Variants in GMDS observed in about 807,000 individuals in gnomAD.
GMDS encodes the protein GDP-mannose 4,6 dehydratase.
GMDS carries 20 observed loss-of-function variants against 49.9 expected under a neutral mutation model. The ratio of observed to expected loss-of-function variants is 0.40; its 90% CI spans 0.28 to 0.58. The LOEUF is 0.58. Ranked by LOEUF, GMDS falls within the 20% of genes least tolerant of loss-of-function variation. The pLI, the probability that GMDS is intolerant of heterozygous loss-of-function variation, is 0.42. For missense variants in GMDS, 362 were observed against 481.4 expected (o/e 0.75, Z 2.32); for synonymous variants, 177 against 178.6 (o/e 0.99, Z 0.07).
intron 4 of GMDS, among the ~76,000 whole-genome samples, chr6:1,994,777 G>T (rs972451120): frequency 6.6e-6 from 1 of 151,956 alleles, no homozygotes; most frequent in Non-Finnish European, 1.5e-5. Context: ...GCACACAGGG[G>T]ATACATGGCC....
At chr6:1,816,428 G>C (rs1194696682) in intron 7 of GMDS, among the ~76,000 whole-genome samples, 1 of 152,108 alleles carries the variant, frequency 6.6e-6, no homozygotes, top group East Asian at 1.9e-4. Flanking sequence ...CCAAAGCTCA[G>C]GTGTTCACTG....
intron 2 of GMDS, among the ~76,000 whole-genome samples, chr6:2,119,583 C>A (rs1001618196): frequency 6.6e-6 from 1 of 152,158 alleles, no homozygotes; most frequent in Non-Finnish European, 1.5e-5. Context: ...GTGCAAACTG[C>A]ACAATCTAGT....
At chr6:2,124,581 G>T in intron 2 of GMDS, 106 bp downstream of exon 2, 1 of 843,358 alleles carries the variant, frequency 1.2e-6, no homozygotes. Context: ...TGTTATCTGC[G>T]TTTCAGTGGA....
At chr6:1,966,370 AT>A (rs1764258679) in intron 4 of GMDS, among the ~76,000 whole-genome samples, 4 of 87,764 alleles carry the variant, frequency 4.6e-5, no homozygotes, top group South Asian at 6.8e-4. Flanking sequence ...AATCAGACTG[AT>A]GAAAAAAAAA....
At chr6:2,041,081 T>G (rs1259377370) in intron 4 of GMDS, among the ~76,000 whole-genome samples, 2 of 152,232 alleles carry the variant, frequency 1.3e-5, no homozygotes, top group Non-Finnish European at 2.9e-5. Flanking sequence ...GAGACAACTT[T>G]ACTTGCAGAA....
chr6:2,070,032 T>C (rs1477970734), intron 4 of GMDS, among the ~76,000 whole-genome samples: 14 of 151,274 alleles, frequency 9.3e-5, no homozygotes, highest in Admixed American at 5.3e-4. Flanking sequence ...TGTCCAACAA[T>C]GATAGACTGG....
chr6:2,156,155 C>T (rs547862564), intron 1 of GMDS, among the ~76,000 whole-genome samples: 3 of 151,988 alleles, frequency 2.0e-5, no homozygotes, highest in Admixed American at 1.3e-4. Context: ...CTTTCTGATT[C>T]GGGGCTTAGA....
chr6:1,907,762 A>T (rs774376214), intron 7 of GMDS, among the ~76,000 whole-genome samples: 20 of 152,202 alleles, frequency 1.3e-4, no homozygotes, highest in Non-Finnish European at 1.9e-4. Flanking sequence ...TTTTAAGGGA[A>T]TATAGGGTTA....
chr6:1,799,508 G>A (rs758194484), intron 7 of GMDS, among the ~76,000 whole-genome samples: 1 of 152,088 alleles, frequency 6.6e-6, no homozygotes, highest in Non-Finnish European at 1.5e-5. Context: ...TAAGTCTGAA[G>A]GTCTTCATTA....
intron 1 of GMDS, among the ~76,000 whole-genome samples, chr6:2,142,940 C>T (rs1776377187): frequency 6.6e-6 from 1 of 152,102 alleles, no homozygotes; most frequent in African/African-American, 2.4e-5. Context: ...GCCCCTGTCC[C>T]TCACACACTC....
In GMDS at chr6:2,245,456, GGA is replaced by G. The variant is rs1262355842; in HGVS notation, c.-36_-35del. On this transcript the variant is annotated 5_prime_UTR_variant, in exon 1 of 11. Coordinates refer to ENST00000380815, the MANE Select transcript of GMDS (RefSeq NM_001500.4). ...GCGGGCGTGCGGTCGGCGGCAGGGC[GGA>G]GCGCGGCAGAGGGCAGGCGCGGTGC... 1 of 1,318,730 alleles carries G rather than the reference GGA, an allele frequency of 7.6e-7. No individual in the cohort carries two copies. The highest frequency in any genetic ancestry group is 1.6e-5 in the African/African-American group (1 of 64,116). The allele number at this position is 1,318,730 out of a possible 1,614,324, so 81.7% of individuals were successfully genotyped here.
At chr6:2,148,386 T>G (rs138077683) in intron 1 of GMDS, among the ~76,000 whole-genome samples, 1 of 152,180 alleles carries the variant, frequency 6.6e-6, no homozygotes, top group East Asian at 1.9e-4. Flanking sequence ...ATCTCTGAGT[T>G]TGTATTCACA....
chr6:1,913,953 AC>A (rs1342319317), intron 7 of GMDS, among the ~76,000 whole-genome samples: 1 of 152,152 alleles, frequency 6.6e-6, no homozygotes, highest in African/African-American at 2.4e-5. Context: ...GAGTGGATGT[AC>A]GGGGGGAAAG....
intron 9 of GMDS, among the ~76,000 whole-genome samples, chr6:1,706,483 A>T (rs565515138): frequency 1.9e-4 from 29 of 152,316 alleles, no homozygotes; most frequent in African/African-American, 5.8e-4. Context: ...AACTGATGAG[A>T]ACGATGCTGA....
chr6:2,123,437 G>A (rs1055388814), intron 2 of GMDS, among the ~76,000 whole-genome samples: 2 of 152,120 alleles, frequency 1.3e-5, no homozygotes, highest in East Asian at 1.9e-4. Flanking sequence ...AGGTTCACTC[G>A]ATACACAACA....
At chr6:1,795,469 T>C (rs561984885) in intron 7 of GMDS, among the ~76,000 whole-genome samples, 17 of 152,218 alleles carry the variant, frequency 1.1e-4, no homozygotes, top group Non-Finnish European at 2.1e-4. Flanking sequence ...ATATGATGCA[T>C]ATATGCATAT....
At chr6:2,174,084 GTAACTA>G (rs1778151100) in intron 1 of GMDS, among the ~76,000 whole-genome samples, 2 of 152,160 alleles carry the variant, frequency 1.3e-5, no homozygotes, top group African/African-American at 4.8e-5. Flanking sequence ...GCTACGAACA[GTAACTA>G]ATCATGTGAC....
intron 4 of GMDS, among the ~76,000 whole-genome samples, chr6:2,049,168 G>A (rs542105187): frequency 6.6e-6 from 1 of 152,294 alleles, no homozygotes; most frequent in Admixed American, 6.5e-5. Flanking sequence ...CACCCAGTGT[G>A]CAGTATTTTG....
intron 7 of GMDS, among the ~76,000 whole-genome samples, 176 bp from the exon 8 acceptor site, chr6:1,742,762 T>C (rs1005327350): frequency 3.3e-5 from 5 of 152,134 alleles, no homozygotes; most frequent in Non-Finnish European, 7.4e-5. Flanking sequence ...CCGAATAACA[T>C]GAGGAACTTC....
Sources: allele counts gnomAD v4.1 joint callset (sites outside exome capture counted in the v4.1 genomes callset), GRCh38; gene constraint gnomAD v4.1.1; transcripts MANE v1.5; gene names NCBI Gene and HGNC (gene_info 2026-07-23, HGNC 2026-07-21).